The following CSF2RA variants were observed in gnomAD, a reference collection of about 807,000 sequenced individuals.
CSF2RA encodes the protein granulocyte-macrophage colony-stimulating factor receptor subunit alpha.
Under a neutral mutation model 51.6 loss-of-function variants are expected in CSF2RA, and 42 were observed. The observed-to-expected ratio is 0.81, with a 90% CI of 0.64 to 1.05. The LOEUF (loss-of-function observed/expected upper bound fraction) is 1.05, where lower values mean the gene tolerates loss of function less well. Ranked by LOEUF, CSF2RA falls within the 50% of genes least tolerant of loss-of-function variation. The pLI, the probability that CSF2RA is intolerant of heterozygous loss-of-function variation, is 0.00. For synonymous variants in CSF2RA, 222 were observed against 193.0 expected, an observed-to-expected ratio of 1.15 and a Z score of -1.24; for missense variants, 530 against 501.1, an observed-to-expected ratio of 1.06 and a Z score of -0.55.
In CSF2RA at chrX:1,309,397, C is replaced by T. The variant is rs765709481; in HGVS notation, c.1126-5C>T. 6.2e-7 allele frequency: 1 copy of T among 1,613,774 alleles called. No homozygotes were observed. Among genetic ancestry groups the T allele is most frequent in the Admixed American group, 1.7e-5 (1 of 59,978 alleles). On this transcript the variant is annotated splice_region_variant and splice_polypyrimidine_tract_variant and intron_variant, in intron 12 of 12. Transcript: ENST00000381529. ...TCTGACAGCCTGAACCCTCCTTTTTCTCAGATCATCTGGGAGGAATTCACC... is the reference window on the plus strand; with the variant it reads ...TCTGACAGCCTGAACCCTCCTTTTTTTCAGATCATCTGGGAGGAATTCACC...
At chrX:1,299,859 G>C (rs184392059) in intron 9 of CSF2RA, among the ~76,000 whole-genome samples, 1 of 151,274 alleles carries the variant, frequency 6.6e-6, no homozygotes, top group Non-Finnish European at 1.5e-5. Context: ...CGGAGGTTGC[G>C]GTGAGCCCAG....
chrX:1,318,741 C>T, the CSF2RA span, among the ~76,000 whole-genome samples: 1 of 150,898 alleles, frequency 6.6e-6, no homozygotes, highest in Non-Finnish European at 1.5e-5. Context: ...CACGGTGAAA[C>T]CCCATCTCTA....
downstream of CSF2RA, among the ~76,000 whole-genome samples, chrX:1,314,472 C>T (rs1324498090): frequency 6.8e-6 from 1 of 147,188 alleles, no homozygotes; most frequent in Non-Finnish European, 1.5e-5. Flanking sequence ...TGCCCAACCC[C>T]AATGCACCTA....
chrX:1,284,698 T>A (rs1417760177), intron 3 of CSF2RA, among the ~76,000 whole-genome samples: 4 of 122,236 alleles, frequency 3.3e-5, no homozygotes, highest in South Asian at 2.9e-4. Flanking sequence ...GGAGTCTTAC[T>A]CTGTCTCCCA....
rs2089837366 is a variant in CSF2RA at position 1,280,862 on chromosome X, C to CCTCCTCCTTCTCCTGCTCCTT, written c.-26-1808_-26-1807insTCTCCTGCTCCTTCTCCTCCT. ...TCCTCCTTCCTCTCCTTCTCCTCCT[C>CCTCCTCCTTCTCCTGCTCCTT]CTCCTCCTCCTTCTCCTGCTCCTTC... On this transcript the variant is annotated intron_variant, in intron 2 of 12. Coordinates refer to ENST00000381529, the MANE Select transcript of CSF2RA (RefSeq NM_172245.4). 2.3e-5 allele frequency among the ~76,000 whole-genome samples: 3 copies of CCTCCTCCTTCTCCTGCTCCTT among 130,344 alleles called. 1 individual carries two copies. The highest frequency in any genetic ancestry group is 1.6e-4 in the Admixed American group (2 of 12,412). The allele number at this position is 130,344 out of a possible 152,430, so 85.5% of individuals were successfully genotyped here. A position where few individuals can be genotyped will look rare whatever the true frequency, so the allele number is the denominator to read the frequency against.
At position 1,304,008 on chromosome X, in the gene CSF2RA, C is replaced by T. The variant is rs1420568919; in HGVS notation, c.1032C>T (p.Phe344=). 6 of 1,612,646 alleles carry T rather than the reference C, an allele frequency of 3.7e-6. No individual in the cohort carries two copies. In the Admixed American group the frequency reaches 8.4e-5, roughly 23 times the overall value. Residue 344 remains phenylalanine (F), a synonymous_variant, in exon 11 of 13, where the codon TTC becomes TTT. Transcript: ENST00000381529. The part of the protein sequence containing the change: ...GTLVCGIVLG[F]LFKRFLRIQR... ...TTGTCTGTGGCATCGTCCTCGGCTT[C>T]CTCTTTAAAAGGTAACCTGTGAAAC...
the CSF2RA span, among the ~76,000 whole-genome samples, chrX:1,321,487 A>T: frequency 6.6e-6 from 1 of 151,478 alleles, no homozygotes; most frequent in Non-Finnish European, 1.5e-5. Flanking sequence ...ATAAATAAAT[A>T]AAATAAAAAC....
At chrX:1,322,089 A>G in the CSF2RA span, among the ~76,000 whole-genome samples, 1 of 72,524 alleles carries the variant, frequency 1.4e-5, no homozygotes, top group Admixed American at 1.5e-4. Context: ...GGGCAATATA[A>G]TAACATCCTA....
chrX:1,289,741 CT>C (rs1167365153), intron 6 of CSF2RA, among the ~76,000 whole-genome samples: 4 of 87,766 alleles, frequency 4.6e-5, no homozygotes, highest in African/African-American at 1.9e-4. Context: ...TTGTGGTTTT[CT>C]TTTGTGTTTG....
At chrX:1,303,043 A>G (rs1166586658) in intron 10 of CSF2RA, 4 of 209,246 alleles carry the variant, frequency 1.9e-5, no homozygotes. Context: ...CAATTTTTGT[A>G]TTTTTATTTT....
In CSF2RA at chrX:1,294,480, G is replaced by C; in HGVS notation, c.780+19G>C. ...CAGAAAGGTCGGTGAGAGCTCCCCG[G>C]GGCTGGGCACCAGGAGGGAGGCGTA... On this transcript the variant is annotated intron_variant, in intron 8 of 12. Coordinates refer to ENST00000381529, the MANE Select transcript of CSF2RA (RefSeq NM_172245.4). 6.2e-7 allele frequency: 1 copy of C among 1,609,042 alleles called. No individual in the cohort carries two copies. The highest frequency in any genetic ancestry group is 8.5e-7 in the Non-Finnish European group (1 of 1,179,746).
chrX:1,323,406 C>T, the CSF2RA span, among the ~76,000 whole-genome samples: 11 of 151,960 alleles, frequency 7.2e-5, no homozygotes, highest in South Asian at 2.1e-4. Context: ...AGTTACTAGT[C>T]GGGACTGGCA....
intron 9 of CSF2RA, among the ~76,000 whole-genome samples, chrX:1,299,402 T>C (rs1248237710): frequency 6.6e-6 from 1 of 152,144 alleles, no homozygotes; most frequent in African/African-American, 2.4e-5. Flanking sequence ...TAATATCAGT[T>C]GTTGATCCTG....
chrX:1,311,160 A>T (rs1270505241), downstream of CSF2RA, among the ~76,000 whole-genome samples: 1 of 151,688 alleles, frequency 6.6e-6, no homozygotes, highest in Admixed American at 6.6e-5. Context: ...GAGGCAGCAG[A>T]ATTGCTTGAA....
At chrX:1,279,777 GTTTT>G (rs35859383) in intron 2 of CSF2RA, among the ~76,000 whole-genome samples, 3 of 149,934 alleles carry the variant, frequency 2.0e-5, no homozygotes, top group East Asian at 2.0e-4. Flanking sequence ...AGACACAACC[GTTTT>G]TTTTTTTTGT....
intron 1 of CSF2RA, among the ~76,000 whole-genome samples, chrX:1,269,208 A>C (rs2088004503): frequency 1.3e-5 from 2 of 152,200 alleles, no homozygotes; most frequent in African/African-American, 2.4e-5. Flanking sequence ...TTTACAGAAA[A>C]AAACAATTGA....
At position 1,304,271 on chromosome X, in the gene CSF2RA, G is replaced by T. The variant is rs1178911918; in HGVS notation, c.1043+252G>T. Among the ~76,000 whole-genome samples the T allele has an allele frequency of 4.9e-5, 4 of 82,458 alleles. 1 individual carries two copies. Among genetic ancestry groups the T allele is most frequent in the Non-Finnish European group, 8.9e-5 (4 of 44,844 alleles). 54.1% of individuals were successfully genotyped at this position (82,458 alleles called of 152,430 possible). A position where few individuals can be genotyped will look rare whatever the true frequency, so the allele number is the denominator to read the frequency against. On this transcript the variant is annotated intron_variant, in intron 11 of 12. Transcript: ENST00000381529. ...AAAAATTAGCCCGGCGTGGTCGCGG[G>T]CGCCTGTAGTCCCAGCTACTCGGGA...
the CSF2RA span, among the ~76,000 whole-genome samples, chrX:1,321,618 T>C: frequency 6.7e-6 from 1 of 149,782 alleles, no homozygotes; most frequent in Non-Finnish European, 1.5e-5. Context: ...CAGTACACGC[T>C]TGGGGGTTAA....
rs1477232958 is a variant in CSF2RA, at chrX:1,300,559, T to G, written c.879T>G (p.Ser293Arg). The G allele has an allele frequency of 6.2e-7, 1 of 1,613,758 alleles. No homozygotes were observed. Among genetic ancestry groups the G allele is most frequent in the East Asian group, 2.2e-5 (1 of 44,872 alleles). ...FPSSEPRAKH[S>R]VKIRAADVRI... is the part of the protein sequence containing the mutation. The stretch of plus-strand genomic sequence containing the variant: ...GCTCTGAGCCCAGAGCAAAACACAG[T>G]GTGAAGATCAGAGCTGCAGACGTCC... Residue 293 changes from serine to arginine, a missense_variant, in exon 10 of 13, where the codon AGT becomes AGG. Ser to Arg is a moderately radical substitution (Grantham distance 110). Coordinates refer to ENST00000381529, the MANE Select transcript of CSF2RA (RefSeq NM_172245.4).
Sources: allele counts gnomAD v4.1 joint callset (sites outside exome capture counted in the v4.1 genomes callset), GRCh38; gene constraint gnomAD v4.1.1; transcripts MANE v1.5; gene names NCBI Gene and HGNC (gene_info 2026-07-23, HGNC 2026-07-21).